The following DLGAP1 variants were observed in gnomAD, a reference collection of about 807,000 sequenced individuals.
DLGAP1 encodes the protein disks large-associated protein 1.
Under a neutral mutation model 90.8 loss-of-function variants are expected in DLGAP1, and 11 were observed. The ratio of observed to expected loss-of-function variants is 0.12; its 90% CI spans 0.08 to 0.20. DLGAP1 has a LOEUF of 0.20. DLGAP1 is among the 10% of genes least tolerant of loss of function. The pLI is 1.00. For synonymous variants in DLGAP1, 558 were observed against 540.7 expected (o/e 1.03, Z -0.44); for missense variants, 1,050 against 1,333.8 (o/e 0.79, Z 3.31).
chr18:4,261,951 C>T (rs1391494306), intron 1 of DLGAP1, among the ~76,000 whole-genome samples: 2 of 152,098 alleles, frequency 1.3e-5, no homozygotes, highest in African/African-American at 4.8e-5. Flanking sequence ...AAAAGAATAC[C>T]TGGTAATAAA....
intron 7 of DLGAP1, among the ~76,000 whole-genome samples, chr18:3,632,439 T>C (rs999041154): frequency 5.6e-4 from 85 of 152,178 alleles, no homozygotes; most frequent in African/African-American, 1.9e-3. Context: ...GTAGCTGGGA[T>C]TACAGACTCA....
intron 6 of DLGAP1, among the ~76,000 whole-genome samples, chr18:3,741,278 C>CAT (rs2063013494): frequency 2.6e-5 from 3 of 117,004 alleles, no homozygotes; most frequent in Non-Finnish European, 5.2e-5. Context: ...CACCACATCA[C>CAT]CATCACCACC....
In DLGAP1 at chr18:4,188,153, T is replaced by C. The variant is rs1374797905; in HGVS notation, c.-266-36866A>G. On this transcript the variant is annotated intron_variant, in intron 1 of 12. Coordinates refer to ENST00000315677, the MANE Select transcript of DLGAP1 (RefSeq NM_004746.4). ...GTGATAAAATTTCAAAAATTTATGTTACCAATTTTTGTATTTCCGTGCTCT... is the reference window on the plus strand; with the variant it reads ...GTGATAAAATTTCAAAAATTTATGTCACCAATTTTTGTATTTCCGTGCTCT... 5.3e-5 allele frequency among the ~76,000 whole-genome samples: 8 copies of C among 152,198 alleles called. No individual in the cohort carries two copies. The South Asian group carries it at 1.7e-3, about 31-fold the overall frequency.
At chr18:3,588,318 G>A (rs1364590380) in intron 7 of DLGAP1, among the ~76,000 whole-genome samples, 1 of 152,160 alleles carries the variant, frequency 6.6e-6, no homozygotes, top group Non-Finnish European at 1.5e-5. Context: ...AATTAGTCAG[G>A]CGTGGCAGCA....
chr18:4,069,187 A>AT (rs1418317408), intron 2 of DLGAP1, among the ~76,000 whole-genome samples: 2 of 152,104 alleles, frequency 1.3e-5, no homozygotes, highest in East Asian at 1.9e-4. Context: ...CAGCAAAGGC[A>AT]TTTTTTCCTT....
chr18:4,355,776 A>C (rs2144035792), intron 1 of DLGAP1, among the ~76,000 whole-genome samples: 1 of 144,842 alleles, frequency 6.9e-6, no homozygotes, highest in East Asian at 2.0e-4. Flanking sequence ...TTTTTTGTGA[A>C]TCTATAATTT....
At chr18:3,904,617 C>G (rs747180958) in intron 3 of DLGAP1, among the ~76,000 whole-genome samples, 4 of 152,154 alleles carry the variant, frequency 2.6e-5, no homozygotes, top group Non-Finnish European at 5.9e-5. Flanking sequence ...CTATTCAAAC[C>G]AGGAGAAAAT....
At position 4,330,176 on chromosome 18, in the gene DLGAP1, C is replaced by T. The variant is rs117600432; in HGVS notation, c.-267+124830G>A. ...GCTTAAAGATGCTCACTCATCTTTACCATCTTTTCATTTCTGTAGAATCTG... is the reference window on the plus strand; with the variant it reads ...GCTTAAAGATGCTCACTCATCTTTATCATCTTTTCATTTCTGTAGAATCTG... On this transcript the variant is annotated intron_variant, in intron 1 of 12. Transcript: ENST00000315677. Among the ~76,000 whole-genome samples the T allele has an allele frequency of 4.9e-4, 74 of 152,088 alleles. No homozygotes were observed. In the East Asian group the frequency reaches 0.013, roughly 27 times the overall value.
At chr18:4,261,589 TC>T in intron 1 of DLGAP1, among the ~76,000 whole-genome samples, 1 of 152,264 alleles carries the variant, frequency 6.6e-6, no homozygotes, top group African/African-American at 2.4e-5. Context: ...CACCTCTCTG[TC>T]CCATCCAATG....
intron 3 of DLGAP1, among the ~76,000 whole-genome samples, chr18:3,904,171 G>A (rs2071845868): frequency 2.6e-5 from 4 of 152,212 alleles, no homozygotes; most frequent in Admixed American, 2.6e-4. Flanking sequence ...AGTAACCAAT[G>A]GCTGTGAATG....
chr18:3,507,736 G>GTTTTTTTT (rs386386884), intron 11 of DLGAP1, among the ~76,000 whole-genome samples: 4 of 89,966 alleles, frequency 4.4e-5, no homozygotes, highest in Non-Finnish European at 6.0e-5. Flanking sequence ...ATTCTTGAAG[G>GTTTTTTTT]TTTTTTTTTT....
intron 1 of DLGAP1, among the ~76,000 whole-genome samples, chr18:4,343,095 C>A (rs1277238481): frequency 6.6e-6 from 1 of 151,984 alleles, no homozygotes; most frequent in Non-Finnish European, 1.5e-5. Flanking sequence ...ATCACGAGGT[C>A]AGGAGGTCGA....
intron 1 of DLGAP1, among the ~76,000 whole-genome samples, chr18:4,381,875 T>C (rs930659440): frequency 2.0e-5 from 3 of 152,086 alleles, no homozygotes; most frequent in Non-Finnish European, 4.4e-5. Flanking sequence ...GGACTCACAG[T>C]TCCACGTGGC....
chr18:3,690,077 C>T (rs987195059), intron 7 of DLGAP1, among the ~76,000 whole-genome samples: 6 of 150,428 alleles, frequency 4.0e-5, no homozygotes, highest in African/African-American at 1.5e-4. Flanking sequence ...TTAACAGTAC[C>T]CTGCGGGCTG....
At chr18:3,901,770 G>A (rs1245431030) in intron 3 of DLGAP1, among the ~76,000 whole-genome samples, 1 of 152,166 alleles carries the variant, frequency 6.6e-6, no homozygotes, top group African/African-American at 2.4e-5. Flanking sequence ...TCTGAGCAAT[G>A]AGAGGGAAGC....
chr18:3,858,535 C>T (rs919894784), intron 4 of DLGAP1, among the ~76,000 whole-genome samples: 4 of 143,694 alleles, frequency 2.8e-5, no homozygotes, highest in African/African-American at 5.1e-5. Flanking sequence ...TATGCACACA[C>T]ACACACACAC....
At chr18:3,934,180 T>C (rs1310847604) in intron 3 of DLGAP1, among the ~76,000 whole-genome samples, 1 of 152,194 alleles carries the variant, frequency 6.6e-6, no homozygotes, top group Non-Finnish European at 1.5e-5. Context: ...TAAAGCCTTC[T>C]TCATTCATTT....
chr18:4,137,000 T>C (rs1313438350), intron 2 of DLGAP1, among the ~76,000 whole-genome samples: 2 of 152,128 alleles, frequency 1.3e-5, no homozygotes, highest in African/African-American at 4.8e-5. Context: ...GCTGCACCCA[T>C]TAACTCGTCA....
rs936933484 is a variant in DLGAP1, at chr18:3,711,221, A to T, written c.1591+17914T>A. 6.6e-6 allele frequency among the ~76,000 whole-genome samples: 1 copy of T among 152,216 alleles called. No individual in the cohort carries two copies. The highest frequency in any genetic ancestry group is 6.5e-5 in the Admixed American group (1 of 15,288). On this transcript the variant is annotated intron_variant, in intron 7 of 12. Coordinates refer to ENST00000315677, the MANE Select transcript of DLGAP1 (RefSeq NM_004746.4). This position sits in a 1 kb window ranked among gnomAD's most constrained non-coding sequence, Gnocchi z 4.0. ...ATATCCTTGTTGTTTCAGGCATTTA[A>T]ATCTGATAAGAACTTGATAACTGGA...
Sources: allele counts gnomAD v4.1 joint callset (sites outside exome capture counted in the v4.1 genomes callset), GRCh38; gene constraint gnomAD v4.1.1; non-coding constraint Gnocchi (gnomAD v3.1); transcripts MANE v1.5; gene names NCBI Gene and HGNC (gene_info 2026-07-23, HGNC 2026-07-21).